The following OSTM1 variants were observed in gnomAD, a reference collection of about 807,000 sequenced individuals.
OSTM1 encodes the protein osteoclastogenesis associated transmembrane protein 1.
OSTM1 carries 26 observed loss-of-function variants against 35.4 expected under a neutral mutation model. That is an observed-to-expected ratio of 0.73 (90% confidence interval 0.54 to 1.02). OSTM1 has a LOEUF of 1.02. Among genes scored for constraint, OSTM1 ranks in the 50% least tolerant of loss-of-function variants. OSTM1 has a pLI of 0.00. For synonymous variants in OSTM1, 181 were observed against 165.0 expected (o/e 1.10, Z -0.75); for missense variants, 366 against 409.6 (o/e 0.89, Z 0.92).
chr6:108,045,478 A>G (rs1444530741), intron 5 of OSTM1, among the ~76,000 whole-genome samples: 1 of 151,342 alleles, frequency 6.6e-6, no homozygotes, highest in Admixed American at 6.6e-5. Flanking sequence ...AAAAAAAATC[A>G]GTGAAAGAAC....
chr6:108,048,749 CTTTTTTTT>C (rs575605197), intron 5 of OSTM1, among the ~76,000 whole-genome samples: 1 of 111,786 alleles, frequency 8.9e-6, no homozygotes. Flanking sequence ...TGTGTTTTAA[CTTTTTTTT>C]TTTTTTTTTT....
At chr6:108,064,451 A>G (rs1211643779) in intron 1 of OSTM1, 152 bp from the exon 2 acceptor site, 4 of 641,330 alleles carry the variant, frequency 6.2e-6, no homozygotes, top group Non-Finnish European at 1.1e-5. Context: ...AAAAACAATG[A>G]TAATAAAGTA....
In OSTM1 at chr6:108,074,328, G is replaced by T; in HGVS notation, c.324C>A (p.Pro108=). Residue 108 remains proline, a synonymous_variant, in exon 1 of 6, where the codon CCC becomes CCA. Coordinates refer to ENST00000193322, the MANE Select transcript of OSTM1 (RefSeq NM_014028.4). ...GGTAGCAGGTCTGACAGAGGCGCAC[G>T]GGCCGGGCGCTGCGCACCAGACACC... ...LTGCLVRSAR[P]VRLCQTCYPL... The T allele has an allele frequency of 1.2e-6, 2 of 1,611,362 alleles. No individual in the cohort carries two copies. The highest frequency in any genetic ancestry group is 1.7e-6 in the Non-Finnish European group (2 of 1,179,574).
intron 1 of OSTM1, among the ~76,000 whole-genome samples, chr6:108,072,940 C>T (rs541455868): frequency 6.6e-6 from 1 of 152,192 alleles, no homozygotes; most frequent in South Asian, 2.1e-4. Flanking sequence ...TCCAGAGCAG[C>T]TGGGACTACA....
chr6:108,048,814 C>T lies in OSTM1; in HGVS notation c.949+439G>A, dbSNP rs531961461. Among the ~76,000 whole-genome samples the T allele has an allele frequency of 2.2e-5, 3 of 137,000 alleles. No homozygotes were observed. In the South Asian group the frequency reaches 6.7e-4, roughly 31 times the overall value. The allele number at this position is 137,000 out of a possible 152,430, so 89.9% of individuals were successfully genotyped here. On this transcript the variant is annotated intron_variant, in intron 5 of 5. Coordinates refer to ENST00000193322, the MANE Select transcript of OSTM1 (RefSeq NM_014028.4). ...TCTCCCAGGCTGGCGTGCAGTGGTG[C>T]GATCTCGGTTCACTGCAACCTCCGC...
rs575102196 is a variant in OSTM1 at position 108,061,820 on chromosome 6, G to A, written c.517+2365C>T. Among the ~76,000 whole-genome samples the A allele has an allele frequency of 1.4e-4, 22 of 151,984 alleles. No individual in the cohort carries two copies. The South Asian group carries it at 4.6e-3, about 32-fold the overall frequency. On this transcript the variant is annotated intron_variant, in intron 2 of 5. Coordinates refer to ENST00000193322, the MANE Select transcript of OSTM1 (RefSeq NM_014028.4). The stretch of plus-strand genomic sequence containing the variant: ...GTCCTCCTGAAGTGCTGGGATTACA[G>A]GTGTGAGCCTCCCCACTGAGCCAAA...
intron 3 of OSTM1, among the ~76,000 whole-genome samples, chr6:108,051,926 T>C (rs1772080767): frequency 6.6e-6 from 1 of 152,256 alleles, no homozygotes; most frequent in Non-Finnish European, 1.5e-5. Flanking sequence ...TTGCTTTCTA[T>C]GCCCTTTATT....
chr6:108,046,670 G>A (rs1771981113), intron 5 of OSTM1, among the ~76,000 whole-genome samples: 1 of 152,232 alleles, frequency 6.6e-6, no homozygotes, highest in South Asian at 2.1e-4. Context: ...TCAACTGTAA[G>A]TGGAAAATCA....
intron 2 of OSTM1, among the ~76,000 whole-genome samples, chr6:108,056,914 T>C (rs1388285953): frequency 6.6e-6 from 1 of 152,228 alleles, no homozygotes; most frequent in Non-Finnish European, 1.5e-5. Context: ...GATATGCTGA[T>C]GATCATACCA....
In OSTM1 at chr6:108,058,759, C is replaced by T. The variant is rs577537190; in HGVS notation, c.518-4172G>A. On this transcript the variant is annotated intron_variant, in intron 2 of 5. Transcript: ENST00000193322. ...CACCACTGCACTCCGGCCTGGGTGACAGAGCAAGACTCCGTCTTAAAAAAA... is the reference window on the plus strand; with the variant it reads ...CACCACTGCACTCCGGCCTGGGTGATAGAGCAAGACTCCGTCTTAAAAAAA... Among the ~76,000 whole-genome samples the T allele has an allele frequency of 2.6e-5, 4 of 151,442 alleles. No homozygotes were observed. In the South Asian group the frequency reaches 8.3e-4, roughly 32 times the overall value.
chr6:108,058,103 T>G (rs1157884983), intron 2 of OSTM1, among the ~76,000 whole-genome samples: 1 of 145,876 alleles, frequency 6.9e-6, no homozygotes, highest in Non-Finnish European at 1.5e-5. Context: ...CAGGCTGGAG[T>G]GCACTGGCAT....
chr6:108,054,200 A>G (rs1772130883), intron 3 of OSTM1, among the ~76,000 whole-genome samples: 1 of 152,246 alleles, frequency 6.6e-6, no homozygotes. Context: ...TAATTAAACA[A>G]TCACACACCT....
chr6:108,072,004 G>C (rs1772494144), intron 1 of OSTM1, among the ~76,000 whole-genome samples: 1 of 152,150 alleles, frequency 6.6e-6, no homozygotes. Context: ...CTGCACCCTA[G>C]AGTTTGAGGT....
intron 2 of OSTM1, among the ~76,000 whole-genome samples, chr6:108,054,948 C>G (rs11963336): frequency 6.6e-6 from 1 of 152,044 alleles, no homozygotes; most frequent in Admixed American, 6.5e-5. Context: ...TTTACCGAAA[C>G]TCATATGCCT....
chr6:108,073,478 C>T (rs889205574), intron 1 of OSTM1, among the ~76,000 whole-genome samples: 1 of 152,156 alleles, frequency 6.6e-6, no homozygotes, highest in Non-Finnish European at 1.5e-5. Flanking sequence ...CTAGAGAACC[C>T]TTAAGGTATG....
intron 1 of OSTM1, among the ~76,000 whole-genome samples, chr6:108,070,309 G>A (rs1004594358): frequency 1.3e-5 from 2 of 152,138 alleles, no homozygotes; most frequent in African/African-American, 4.8e-5. Context: ...AAAGTGCTGG[G>A]ATTACAGGCA....
intron 1 of OSTM1, among the ~76,000 whole-genome samples, chr6:108,064,888 G>A (rs529152802): frequency 6.6e-6 from 1 of 152,286 alleles, no homozygotes; most frequent in East Asian, 1.9e-4. Flanking sequence ...TCAGTCATGT[G>A]GGAGAAGAAA....
intron 1 of OSTM1, among the ~76,000 whole-genome samples, chr6:108,067,452 TA>T (rs1772398857): frequency 6.6e-6 from 1 of 152,014 alleles, no homozygotes; most frequent in Non-Finnish European, 1.5e-5. Flanking sequence ...TATCAACATT[TA>T]AACATGTCCA....
intron 2 of OSTM1, among the ~76,000 whole-genome samples, chr6:108,063,508 A>G (rs1184407623): frequency 1.3e-5 from 2 of 152,238 alleles, no homozygotes; most frequent in East Asian, 3.8e-4. Context: ...CACTCATTAA[A>G]TTATAAGACT....
Sources: gnomAD v4.1 joint callset for allele counts (sites outside exome capture counted in the v4.1 genomes callset) on GRCh38, gnomAD v4.1.1 for gene constraint, MANE v1.5 for transcripts, NCBI Gene and HGNC (gene_info 2026-07-23, HGNC 2026-07-21) for gene names.